RAP1GDS1: variants seen among roughly 807,000 people sequenced by gnomAD.
RAP1GDS1 encodes the protein Rap1 GTPase-GDP dissociation stimulator 1, also known as RAP1, GTP-GDP dissociation stimulator 1.
In RAP1GDS1, 35 loss-of-function variants were observed where a neutral mutation model predicts 71.1. That is an observed-to-expected ratio of 0.49 (90% confidence interval 0.38 to 0.65). The LOEUF (loss-of-function observed/expected upper bound fraction) is 0.65, where lower values mean the gene tolerates loss of function less well. RAP1GDS1 is among the 30% of genes least tolerant of loss of function. The pLI, the probability that RAP1GDS1 is intolerant of heterozygous loss-of-function variation, is 0.00. For missense variants in RAP1GDS1, 663 were observed against 706.1 expected (o/e 0.94, Z 0.69); for synonymous variants, 229 against 243.1 (o/e 0.94, Z 0.54).
chr4:98,362,960 GTCTC>G (rs1300027435), intron 4 of RAP1GDS1, among the ~76,000 whole-genome samples: 5 of 152,172 alleles, frequency 3.3e-5, no homozygotes, highest in African/African-American at 7.2e-5. Context: ...TGAGCAAGAA[GTCTC>G]TATCCTTGTG....
At chr4:98,285,374 A>G (rs1477976642) in intron 1 of RAP1GDS1, among the ~76,000 whole-genome samples, 1 of 152,206 alleles carries the variant, frequency 6.6e-6, no homozygotes, top group Non-Finnish European at 1.5e-5. Context: ...ATATGCTTAA[A>G]GAGTGCTGTG....
At chr4:98,352,932 A>G (rs1172725986) in intron 4 of RAP1GDS1, among the ~76,000 whole-genome samples, 2 of 152,210 alleles carry the variant, frequency 1.3e-5, no homozygotes, top group South Asian at 2.1e-4. Flanking sequence ...TTATCTCTGA[A>G]TGGGAATGCT....
intron 5 of RAP1GDS1, among the ~76,000 whole-genome samples, chr4:98,391,549 G>A (rs1269084305): frequency 6.6e-6 from 1 of 151,790 alleles, no homozygotes; most frequent in East Asian, 1.9e-4. Flanking sequence ...CATTAAACTT[G>A]CTACTTTTCT....
At chr4:98,363,935 A>G (rs1739120722) in intron 4 of RAP1GDS1, among the ~76,000 whole-genome samples, 1 of 152,142 alleles carries the variant, frequency 6.6e-6, no homozygotes, top group South Asian at 2.1e-4. Context: ...GGAGAAATCA[A>G]GAGTGATTTC....
intron 12 of RAP1GDS1, among the ~76,000 whole-genome samples, chr4:98,432,656 C>A (rs1472960486): frequency 6.6e-6 from 1 of 151,988 alleles, no homozygotes; most frequent in Non-Finnish European, 1.5e-5. Flanking sequence ...ATAAAGCAAA[C>A]CCTTTAAAAA....
intron 2 of RAP1GDS1, among the ~76,000 whole-genome samples, chr4:98,329,604 A>G (rs1266009739): frequency 2.0e-5 from 3 of 152,118 alleles, no homozygotes; most frequent in Non-Finnish European, 4.4e-5. Flanking sequence ...CCTGGCCAAC[A>G]TAGTGAAACC....
chr4:98,320,861 C>T lies in RAP1GDS1; in HGVS notation c.113-22278C>T, dbSNP rs779650420. Reference sequence around the variant, plus strand: ...AAACTGGAAACTCTAAAACGCAGAGCGCCTCTCCTCCTCCAAAGGAACGCA... The same window carrying T: ...AAACTGGAAACTCTAAAACGCAGAGTGCCTCTCCTCCTCCAAAGGAACGCA... On this transcript the variant is annotated intron_variant, in intron 2 of 14. Coordinates refer to ENST00000408927, the MANE Select transcript of RAP1GDS1 (RefSeq NM_001100427.2). 8.9e-3 allele frequency among the ~76,000 whole-genome samples: 797 copies of T among 89,518 alleles called. 13 individuals carry two copies. The East Asian group carries it at 0.094, about 11-fold the overall frequency. The allele number at this position is 89,518 out of a possible 152,430, so 58.7% of individuals were successfully genotyped here.
At chr4:98,275,726 CCTAT>C (rs1435231987) in intron 1 of RAP1GDS1, among the ~76,000 whole-genome samples, 10 of 152,022 alleles carry the variant, frequency 6.6e-5, no homozygotes, top group Non-Finnish European at 1.2e-4. Context: ...CTATGAATTC[CCTAT>C]CTAAGTGAAT....
intron 2 of RAP1GDS1, among the ~76,000 whole-genome samples, chr4:98,314,150 T>C (rs576098459): frequency 6.6e-6 from 1 of 152,294 alleles, no homozygotes; most frequent in Admixed American, 6.5e-5. Flanking sequence ...CATTCTGATG[T>C]GTGCATGTGG....
intron 4 of RAP1GDS1, among the ~76,000 whole-genome samples, chr4:98,364,655 C>A (rs942816085): frequency 1.3e-5 from 2 of 151,596 alleles, no homozygotes; most frequent in African/African-American, 4.9e-5. Context: ...ATTGAAAGAA[C>A]ATAGAGTAGA....
chr4:98,343,451 C>T (rs1166348410), intron 3 of RAP1GDS1, 190 bp downstream of exon 3: 2 of 627,926 alleles, frequency 3.2e-6, no homozygotes, highest in Non-Finnish European at 2.6e-6. Context: ...CCTGTCCCAT[C>T]TGATAACCCA....
At chr4:98,300,790 T>C (rs1458248836) in intron 2 of RAP1GDS1, among the ~76,000 whole-genome samples, 2 of 152,218 alleles carry the variant, frequency 1.3e-5, no homozygotes, top group African/African-American at 2.4e-5. Context: ...TATAGTCACT[T>C]TATTGAAGTG....
At chr4:98,287,138 A>G (rs919027) in intron 1 of RAP1GDS1, among the ~76,000 whole-genome samples, 22,335 of 152,070 alleles carry the variant, frequency 0.15, 2,432 homozygotes, top group African/African-American at 0.3. Context: ...AGTGAGTAGT[A>G]TGAGTATCCT....
intron 2 of RAP1GDS1, among the ~76,000 whole-genome samples, chr4:98,329,971 G>T (rs914372532): frequency 6.6e-6 from 1 of 151,256 alleles, no homozygotes; most frequent in African/African-American, 2.4e-5. Context: ...GGTGTTTCTC[G>T]GAGAGGGGGA....
chr4:98,308,332 T>TATATATATGC (rs56135677), intron 2 of RAP1GDS1, among the ~76,000 whole-genome samples: 3 of 137,118 alleles, frequency 2.2e-5, no homozygotes, highest in African/African-American at 8.2e-5. Flanking sequence ...TATATATATA[T>TATATATATGC]GCGCCAGGCA....
intron 3 of RAP1GDS1, among the ~76,000 whole-genome samples, chr4:98,349,044 T>C (rs1242799870): frequency 2.6e-5 from 4 of 152,176 alleles, no homozygotes; most frequent in African/African-American, 7.2e-5. Flanking sequence ...TCCTTGCCCA[T>C]GCCTATGTCC....
chr4:98,344,213 G>A (rs986221346), intron 3 of RAP1GDS1, among the ~76,000 whole-genome samples: 7 of 152,046 alleles, frequency 4.6e-5, no homozygotes, highest in Non-Finnish European at 1.5e-5. Context: ...ATGATTTTTT[G>A]GTGGTTGTTA....
intron 2 of RAP1GDS1, among the ~76,000 whole-genome samples, chr4:98,334,308 C>CA (rs139545154): frequency 0.078 from 11,782 of 151,592 alleles, 500 homozygotes; most frequent in Admixed American, 0.14. Flanking sequence ...TTTAAAAAAA[C>CA]AAAAAAAACC....
chr4:98,333,705 G>A (rs1446563521), intron 2 of RAP1GDS1, among the ~76,000 whole-genome samples: 1 of 151,982 alleles, frequency 6.6e-6, no homozygotes, highest in Non-Finnish European at 1.5e-5. Flanking sequence ...GATTACTTAT[G>A]AAAGTTGAGA....
Sources: gnomAD v4.1 joint callset for allele counts (sites outside exome capture counted in the v4.1 genomes callset) on GRCh38, gnomAD v4.1.1 for gene constraint, MANE v1.5 for transcripts, NCBI Gene and HGNC (gene_info 2026-07-23, HGNC 2026-07-21) for gene names.